Variants in GUCY1A1 observed in about 807,000 individuals in gnomAD.
The protein encoded by GUCY1A1 is guanylate cyclase 1 soluble subunit alpha 1, also known as guanylate cyclase soluble subunit alpha-1.
GUCY1A1 carries 48 observed loss-of-function variants against 64.5 expected under a neutral mutation model. The observed-to-expected ratio is 0.74, with a 90% CI of 0.59 to 0.95. GUCY1A1 has a LOEUF of 0.95. Among genes scored for constraint, GUCY1A1 ranks in the 40% least tolerant of loss-of-function variants. The pLI, the probability that GUCY1A1 is intolerant of heterozygous loss-of-function variation, is 0.00. For missense variants in GUCY1A1, 804 were observed against 825.3 expected, an observed-to-expected ratio of 0.97 and a Z score of 0.32; for synonymous variants, 308 against 303.4, an observed-to-expected ratio of 1.02 and a Z score of -0.16.
chr4:155,717,180 T>C lies in GUCY1A1; in HGVS notation c.1594T>C (p.Tyr532His), dbSNP rs745610864. ...VYKVETIGDA[Y>H]CVAGGLHKES... ...CTAGGTGGAGACCATTGGCGATGCC[T>C]ATTGTGTAGCTGGGGGATTACACAA... Residue 532 changes from tyrosine to histidine, a missense_variant, in exon 8 of 10, where the codon TAT becomes CAT. By Grantham distance (83) the Tyr-to-His change is moderately conservative. Transcript: ENST00000506455. 1 of 1,536,130 alleles carries C rather than the reference T, an allele frequency of 6.5e-7. No individual in the cohort carries two copies. Among genetic ancestry groups the C allele is most frequent in the Non-Finnish European group, 8.8e-7 (1 of 1,134,060 alleles).
chr4:155,708,243 T>C lies in GUCY1A1; in HGVS notation c.325T>C (p.Leu109=). Residue 109 remains leucine, a synonymous_variant, in exon 5 of 10, where the codon TTG becomes CTG. Coordinates refer to ENST00000506455, the MANE Select transcript of GUCY1A1 (RefSeq NM_001130682.3). ...ATATTGAAATATTTCCAGGAAATCT[T>C]TGGAAAGAGAAGACTTTGAAAAAAC... The part of the protein sequence containing the change: ...KHKIKESRKS[L]EREDFEKTIA... The C allele has an allele frequency of 6.8e-7, 1 of 1,476,350 alleles. No individual in the cohort carries two copies. The highest frequency in any genetic ancestry group is 9.5e-7 in the Non-Finnish European group (1 of 1,056,196). The allele number at this position is 1,476,350 out of a possible 1,614,324, so 91.5% of individuals were successfully genotyped here.
intron 3 of GUCY1A1, among the ~76,000 whole-genome samples, chr4:155,698,926 T>G (rs1241433666): frequency 2.0e-5 from 3 of 152,166 alleles, no homozygotes; most frequent in Non-Finnish European, 2.9e-5. Flanking sequence ...TCTTTGTTGA[T>G]GTTTACATTT....
At position 155,686,764 on chromosome 4, in the gene GUCY1A1, G is replaced by A. The variant is rs1729049987; in HGVS notation, c.-112-9992G>A. Among the ~76,000 whole-genome samples, 5 of 152,236 alleles carry A rather than the reference G, an allele frequency of 3.3e-5. No homozygotes were observed. The South Asian group carries it at 8.3e-4, about 25-fold the overall frequency. On this transcript the variant is annotated intron_variant, in intron 2 of 9. Transcript: ENST00000506455. ...ATTTATAAAATAGTTTTGGCTTAAC[G>A]AGTAGAAAATGAGGTTTAAAATTCA... is the stretch of plus-strand genomic sequence containing the variant.
At position 155,722,055 on chromosome 4, in the gene GUCY1A1, C is replaced by T. The variant is rs546717915; in HGVS notation, c.1734C>T (p.His578=). The change falls in exon 9 of 10, where the codon CAC becomes CAT. Residue 578 remains histidine (H), a synonymous_variant. Coordinates refer to ENST00000506455, the MANE Select transcript of GUCY1A1 (RefSeq NM_001130682.3). ...GCTTTCAGATGCGAATTGGACTGCA[C>T]TCTGGATCAGTTTTTGCTGGCGTCG... The part of the protein sequence containing the change: ...GEPIKMRIGL[H]SGSVFAGVVG... The T allele has an allele frequency of 3.9e-5, 63 of 1,613,000 alleles. No individual in the cohort carries two copies. The African/African-American group carries it at 6.9e-4, about 18-fold the overall frequency.
intron 2 of GUCY1A1, among the ~76,000 whole-genome samples, chr4:155,672,351 C>T (rs578024613): frequency 7.2e-4 from 109 of 152,258 alleles, no homozygotes; most frequent in Non-Finnish European, 1.4e-3. Context: ...TATTCCTAGA[C>T]ACCGTCCTTT....
At chr4:155,694,334 G>A (rs751863748) in intron 2 of GUCY1A1, among the ~76,000 whole-genome samples, 2 of 152,122 alleles carry the variant, frequency 1.3e-5, no homozygotes, top group Non-Finnish European at 2.9e-5. Context: ...CTTGAGCCCA[G>A]GAGTTACAGA....
intron 2 of GUCY1A1, among the ~76,000 whole-genome samples, chr4:155,689,868 G>A (rs143756825): frequency 6.8e-4 from 103 of 152,256 alleles, no homozygotes; most frequent in African/African-American, 2.4e-3. Flanking sequence ...TCTGTTTTGG[G>A]AGAATCATCA....
intron 6 of GUCY1A1, among the ~76,000 whole-genome samples, chr4:155,711,580 A>G (rs1381361075): frequency 6.6e-6 from 1 of 152,208 alleles, no homozygotes; most frequent in Non-Finnish European, 1.5e-5. Flanking sequence ...AATAAGAGGT[A>G]TTGTTTTACA....
intron 9 of GUCY1A1, among the ~76,000 whole-genome samples, chr4:155,723,432 C>T (rs990968217): frequency 4.4e-4 from 67 of 152,058 alleles, no homozygotes; most frequent in African/African-American, 1.6e-3. Context: ...ACTTATCCAC[C>T]TTTAACCGGA....
chr4:155,722,424 T>G, intron 9 of GUCY1A1: 1 of 1,344,160 alleles, frequency 7.4e-7, no homozygotes, highest in Non-Finnish European at 9.5e-7. Flanking sequence ...ATGACAGATA[T>G]TACATAGTCT....
Position 155,734,734 on chromosome 4 carries a change from T to C in GUCY1A1, c.*4503T>C, listed in dbSNP as rs932859479. ...CAGTGCTGCAGAGACGGTAGCAAAG[T>C]GCAGTTCTCTTGTTAAAACACAGGC... On this transcript the variant is annotated 3_prime_UTR_variant, in exon 10 of 10. Coordinates refer to ENST00000506455, the MANE Select transcript of GUCY1A1 (RefSeq NM_001130682.3). The C allele has an allele frequency of 6.6e-6, 1 of 151,948 alleles. No homozygotes were observed. Among genetic ancestry groups the C allele is most frequent in the African/African-American group, 2.4e-5 (1 of 41,414 alleles). 9.4% of individuals were successfully genotyped at this position (151,948 alleles called of 1,614,324 possible).
intron 2 of GUCY1A1, among the ~76,000 whole-genome samples, chr4:155,687,736 C>G (rs1244355086): frequency 1.3e-5 from 2 of 152,146 alleles, no homozygotes; most frequent in Non-Finnish European, 2.9e-5. Flanking sequence ...AGAGTTAGCA[C>G]ATGGTAGACG....
intron 9 of GUCY1A1, 64 bp from the exon 10 acceptor site, chr4:155,729,966 T>G: frequency 1.0e-6 from 1 of 964,722 alleles, no homozygotes; most frequent in Non-Finnish European, 1.7e-6. Context: ...TTCAGTTAGT[T>G]ATGTTGTGTT....
At chr4:155,709,375 T>A (rs993535906) in intron 5 of GUCY1A1, among the ~76,000 whole-genome samples, 1 of 152,236 alleles carries the variant, frequency 6.6e-6, no homozygotes, top group Non-Finnish European at 1.5e-5. Context: ...TTCCTTTTGA[T>A]GTTAAGTGTT....
At position 155,673,936 on chromosome 4, in the gene GUCY1A1, A is replaced by G. The variant is rs1734508079; in HGVS notation, c.-113+6517A>G. ...TTTGTAGAATTATTATGATATGAAT[A>G]ATTACTTGCTGAATTTTTACTATTA... is the stretch of plus-strand genomic sequence containing the variant. On this transcript the variant is annotated intron_variant, in intron 2 of 9. Coordinates refer to ENST00000506455, the MANE Select transcript of GUCY1A1 (RefSeq NM_001130682.3). Among the ~76,000 whole-genome samples, 3 of 151,564 alleles carry G rather than the reference A, an allele frequency of 2.0e-5. No individual in the cohort carries two copies. In the South Asian group the frequency reaches 6.2e-4, roughly 31 times the overall value.
Position 155,707,449 on chromosome 4 carries a change from A to G in GUCY1A1, c.318-787A>G, listed in dbSNP as rs371198250. On this transcript the variant is annotated intron_variant, in intron 4 of 9. Transcript: ENST00000506455. ...AGAGTACCGGTTGTTTACCCTCACA[A>G]TTTCATGGCCACATGAGAGCTGTGG... Among the ~76,000 whole-genome samples, 3 of 152,318 alleles carry G rather than the reference A, an allele frequency of 2.0e-5. No individual in the cohort carries two copies. In the East Asian group the frequency reaches 5.8e-4, roughly 29 times the overall value.
chr4:155,676,800 T>C (rs1337339092), intron 2 of GUCY1A1, among the ~76,000 whole-genome samples: 1 of 151,626 alleles, frequency 6.6e-6, no homozygotes, highest in East Asian at 1.9e-4. Context: ...CCTTTTTTTG[T>C]TTTCCAGTCT....
intron 4 of GUCY1A1, among the ~76,000 whole-genome samples, chr4:155,707,780 A>G (rs767940019): frequency 1.7e-4 from 26 of 151,854 alleles, no homozygotes; most frequent in Non-Finnish European, 2.6e-4. Flanking sequence ...TAAAATTGAT[A>G]GTCAAGATTT....
At chr4:155,689,322 A>T (rs1240228003) in intron 2 of GUCY1A1, among the ~76,000 whole-genome samples, 1 of 152,122 alleles carries the variant, frequency 6.6e-6, no homozygotes, top group Non-Finnish European at 1.5e-5. Context: ...ATAGAAAAAG[A>T]TGCAAGAAAT....
Sources: gnomAD v4.1 joint callset for allele counts (sites outside exome capture counted in the v4.1 genomes callset) on GRCh38, gnomAD v4.1.1 for gene constraint, MANE v1.5 for transcripts, NCBI Gene and HGNC (gene_info 2026-07-23, HGNC 2026-07-21) for gene names.